The following SIGLEC11 variants were observed in gnomAD, a reference collection of about 807,000 sequenced individuals.
The protein encoded by SIGLEC11 is sialic acid-binding Ig-like lectin 11.
In SIGLEC11, 47 loss-of-function variants were observed where a neutral mutation model predicts 61.2. The observed-to-expected ratio is 0.77, with a 90% CI of 0.61 to 0.98. The LOEUF (loss-of-function observed/expected upper bound fraction) is 0.98, where lower values mean the gene tolerates loss of function less well. SIGLEC11 is among the 50% of genes least tolerant of loss of function. The pLI is 0.00. For missense variants in SIGLEC11, 610 were observed against 870.3 expected (o/e 0.70, Z 3.76); for synonymous variants, 278 against 373.1 (o/e 0.75, Z 2.94).
rs2076238130 is a variant in SIGLEC11 at position 49,960,605 on chromosome 19, C to T, written c.407G>A (p.Gly136Glu). The change falls in exon 2 of 11, where the codon GGA becomes GAA. Residue 136 changes from glycine to glutamate, a missense_variant. Gly to Glu is a moderately conservative substitution (Grantham distance 98). Coordinates refer to ENST00000447370, the MANE Select transcript of SIGLEC11 (RefSeq NM_052884.3). ...CAGGAAACTATGTCTCACACGGCTT[C>T]CTCTCTCCACCCGAAAGAAGTACCA... is the stretch of plus-strand genomic sequence containing the variant. ...EAWYFFRVER[G>E]SRVRHSFLSN... 3 of 1,599,978 alleles carry T rather than the reference C, an allele frequency of 1.9e-6. No individual in the cohort carries two copies. The South Asian group carries it at 3.3e-5, about 18-fold the overall frequency.
rs769464691 is a variant in SIGLEC11 at position 49,950,167 on chromosome 19, G to A, written c.1900C>T (p.Pro634Ser). The stretch of plus-strand genomic sequence containing the variant: ...AGCTCCTGCTCTTCCCCCTTCCCCG[G>A]GGTGTAGGTGGCTGCACCTGGGGGC... ...HPPPGAATYT[P>S]GKGEEQELHY... is the part of the protein sequence containing the mutation. Residue 634 changes from proline (P) to serine (S), a missense_variant, in exon 11 of 11, where the codon CCG becomes TCG. Coordinates refer to ENST00000447370, the MANE Select transcript of SIGLEC11 (RefSeq NM_052884.3). The A allele has an allele frequency of 6.8e-6, 11 of 1,610,646 alleles. 1 individual carries two copies. In the South Asian group the frequency reaches 9.9e-5, roughly 14 times the overall value.
Position 49,958,570 on chromosome 19 carries a change from T to A in SIGLEC11, c.1364A>T (p.Tyr455Phe), listed in dbSNP as rs1475638351. The change falls in exon 8 of 11, where the codon TAC (tyrosine) becomes TTC (phenylalanine). Residue 455 changes from tyrosine (Y) to phenylalanine (F), a missense_variant and splice_region_variant. Transcript: ENST00000447370. ...QHVSLSLSVH[Y>F]PPQLLGPSCS... is the part of the protein sequence containing the mutation. ...GGAGGGGCCCAGCAGCTGTGGAGGGTCTGTGGGGAGGGAGGACAGGACTCA... is the reference window on the plus strand; with the variant it reads ...GGAGGGGCCCAGCAGCTGTGGAGGGACTGTGGGGAGGGAGGACAGGACTCA... 38 of 1,569,788 alleles carry A rather than the reference T, an allele frequency of 2.4e-5. No individual in the cohort carries two copies. The highest frequency in any genetic ancestry group is 3.3e-5 in the Non-Finnish European group (38 of 1,159,528).
Position 49,960,850 on chromosome 19 carries a change from G to T in SIGLEC11, c.162C>A (p.Cys54Ter). The change falls in exon 2 of 11, where the codon TGC becomes TGA. Residue 54 changes from cysteine to a stop codon, truncating the protein, a stop_gained. Transcript: ENST00000447370. LOFTEE classifies it high-confidence loss of function. The stretch of plus-strand genomic sequence containing the variant: ...AGCCATCCCGGGGGTAGGAGAGGTT[G>T]CAAGACACGATGACACACAGGCCCT... Reference protein sequence around the residue: ...VPEGLCVIVSCNLSYPRDGWD... With the variant: ...VPEGLCVIVS 2.5e-6 allele frequency: 4 copies of T among 1,605,814 alleles called. No individual in the cohort carries two copies. The highest frequency in any genetic ancestry group is 3.4e-6 in the Non-Finnish European group (4 of 1,175,098).
chr19:49,950,051 C>T lies in SIGLEC11; in HGVS notation c.2016G>A (p.Lys672=). The change falls in exon 11 of 11, where the codon AAG becomes AAA. Residue 672 remains lysine, a synonymous_variant. Transcript: ENST00000447370. ...APSTTEYSEI[K]IHTGQPLRGP... is the part of the protein sequence containing the mutation. Reference sequence around the variant, plus strand: ...CCCTCAGGGGCTGTCCTGTGTGGATCTTGATCTCCGAGTACTCGGTGGTGC... The same window carrying T: ...CCCTCAGGGGCTGTCCTGTGTGGATTTTGATCTCCGAGTACTCGGTGGTGC... 2 of 1,604,032 alleles carry T rather than the reference C, an allele frequency of 1.2e-6. No individual in the cohort carries two copies. The highest frequency in any genetic ancestry group is 8.5e-7 in the Non-Finnish European group (1 of 1,173,618).
rs2076193369 is a variant in SIGLEC11, at chr19:49,955,997, T to C, written c.1651+2286A>G. On this transcript the variant is annotated intron_variant, in intron 8 of 10. Transcript: ENST00000447370. This position sits in a 1 kb window ranked among gnomAD's most constrained non-coding sequence, Gnocchi z 4.5. ...GCGCAGTGGCTCACACCTGTAATCCTGTTACCAGAGCCCACTCCTTTAGCA... is the reference window on the plus strand; with the variant it reads ...GCGCAGTGGCTCACACCTGTAATCCCGTTACCAGAGCCCACTCCTTTAGCA... Among the ~76,000 whole-genome samples, 1 of 151,738 alleles carries C rather than the reference T, an allele frequency of 6.6e-6. No homozygotes were observed. The highest frequency in any genetic ancestry group is 2.1e-4 in the South Asian group (1 of 4,808).
intron 8 of SIGLEC11, among the ~76,000 whole-genome samples, chr19:49,953,457 G>T (rs1013299577): frequency 2.6e-5 from 4 of 152,162 alleles, no homozygotes; most frequent in Non-Finnish European, 5.9e-5. Flanking sequence ...TTGCTAAGTC[G>T]ATTAGGAAAA....
In SIGLEC11 at chr19:49,953,862, G is replaced by T. The variant is rs867870650; in HGVS notation, c.1652-1468C>A. Among the ~76,000 whole-genome samples the T allele has an allele frequency of 2.6e-5, 4 of 152,288 alleles. No homozygotes were observed. The South Asian group carries it at 8.3e-4, about 32-fold the overall frequency. Reference sequence around the variant, plus strand: ...CAAAACTTACTCCATTGAAGTGCATGTTACAAAACTTTAAGAAAGGTTTTG... The same window carrying T: ...CAAAACTTACTCCATTGAAGTGCATTTTACAAAACTTTAAGAAAGGTTTTG... On this transcript the variant is annotated intron_variant, in intron 8 of 10. Transcript: ENST00000447370.
At chr19:49,956,537 C>T (rs1022891479) in intron 8 of SIGLEC11, among the ~76,000 whole-genome samples, 1 of 152,066 alleles carries the variant, frequency 6.6e-6, no homozygotes. Flanking sequence ...CGTCTTTCTT[C>T]CTATTCCCAC....
At position 49,958,934 on chromosome 19, in the gene SIGLEC11, T is replaced by G. The variant is rs1226927912; in HGVS notation, c.1106-34A>C. ...GGAAGAGGCAGAATCGACGTGCAGC[T>G]CAGGGCTCAGGGACCCTCCTGTGTG... On this transcript the variant is annotated intron_variant, in intron 6 of 10. Coordinates refer to ENST00000447370, the MANE Select transcript of SIGLEC11 (RefSeq NM_052884.3). The G allele has an allele frequency of 1.5e-5, 24 of 1,609,104 alleles. No individual in the cohort carries two copies. In the East Asian group the frequency reaches 4.9e-4, roughly 33 times the overall value.
At chr19:49,957,812 C>T (rs967197054) in intron 8 of SIGLEC11, among the ~76,000 whole-genome samples, 1 of 152,044 alleles carries the variant, frequency 6.6e-6, no homozygotes, top group Non-Finnish European at 1.5e-5. Flanking sequence ...CCAGCCTGGC[C>T]AACATAGTGA....
At chr19:49,954,198 A>T (rs1161347150) in intron 8 of SIGLEC11, among the ~76,000 whole-genome samples, 1 of 152,172 alleles carries the variant, frequency 6.6e-6, no homozygotes, top group Non-Finnish European at 1.5e-5. Context: ...ACTGACACGA[A>T]GTTAAAAGAA....
In SIGLEC11 at chr19:49,952,387, C is replaced by T. The variant is rs1385569865; in HGVS notation, c.1659G>A (p.Leu553=). ...CCAGGCCAAGTCCTCCCCCATGCTC[C>T]AGCTTCCCTGCATGGGAGCAGGGTT... ...GSVFQLLPGK[L]EHGGGLGLGA... The change falls in exon 9 of 11, where the codon CTG becomes CTA. Residue 553 remains leucine, a synonymous_variant. Coordinates refer to ENST00000447370, the MANE Select transcript of SIGLEC11 (RefSeq NM_052884.3). 1 of 1,605,780 alleles carries T rather than the reference C, an allele frequency of 6.2e-7. No individual in the cohort carries two copies. The highest frequency in any genetic ancestry group is 1.7e-5 in the Admixed American group (1 of 59,972).
intron 8 of SIGLEC11, among the ~76,000 whole-genome samples, chr19:49,952,968 C>A (rs1016959078): frequency 8.5e-5 from 13 of 152,196 alleles, no homozygotes; most frequent in African/African-American, 2.9e-4. Flanking sequence ...GATGCGAGTC[C>A]ACTGAGCCGG....
At chr19:49,956,108 A>G (rs2122896993) in intron 8 of SIGLEC11, among the ~76,000 whole-genome samples, 1 of 152,282 alleles carries the variant, frequency 6.6e-6, no homozygotes, top group African/African-American at 2.4e-5. Context: ...ACTAACACGG[A>G]AGACCAATGG....
Position 49,951,466 on chromosome 19 carries a change from C to T in SIGLEC11, c.1830+425G>A, listed in dbSNP as rs73932017. ...GGGGGTTATCCAACCTCAGAGTGGTCGTGGGGACCCCACAACTGTGGTTGG... is the reference window on the plus strand; with the variant it reads ...GGGGGTTATCCAACCTCAGAGTGGTTGTGGGGACCCCACAACTGTGGTTGG... On this transcript the variant is annotated intron_variant, in intron 10 of 10. Coordinates refer to ENST00000447370, the MANE Select transcript of SIGLEC11 (RefSeq NM_052884.3). The surrounding 1 kb of genome is among the most constrained non-coding windows in gnomAD (Gnocchi z 4.6). Among the ~76,000 whole-genome samples the T allele has an allele frequency of 0.051, 7,766 of 152,216 alleles. 590 individuals are homozygous for T. Among genetic ancestry groups the T allele is most frequent in the African/African-American group, 0.17 (6,947 of 41,486 alleles).
rs1337810681 is a variant in SIGLEC11, at chr19:49,956,949, G to T, written c.1651+1334C>A. Among the ~76,000 whole-genome samples, 3 of 152,114 alleles carry T rather than the reference G, an allele frequency of 2.0e-5. No individual in the cohort carries two copies. In the East Asian group the frequency reaches 5.8e-4, roughly 29 times the overall value. On this transcript the variant is annotated intron_variant, in intron 8 of 10. Transcript: ENST00000447370. ...CCTAAAAATCGCTGACAATGAAAAG[G>T]CAATTATAAAAATAACTGCAAAAAT...
At position 49,951,851 on chromosome 19, in the gene SIGLEC11, G is replaced by T; in HGVS notation, c.1830+40C>A. ...CTACCCATGGCCATCAAGGAAAGGGGAACAGGCAGGGCCCCAGCAGACAGA... is the reference window on the plus strand; with the variant it reads ...CTACCCATGGCCATCAAGGAAAGGGTAACAGGCAGGGCCCCAGCAGACAGA... On this transcript the variant is annotated intron_variant, in intron 10 of 10. Coordinates refer to ENST00000447370, the MANE Select transcript of SIGLEC11 (RefSeq NM_052884.3). This position sits in a 1 kb window ranked among gnomAD's most constrained non-coding sequence, Gnocchi z 4.6. 6.6e-7 allele frequency: 1 copy of T among 1,518,904 alleles called. No individual in the cohort carries two copies. Among genetic ancestry groups the T allele is most frequent in the South Asian group, 1.3e-5 (1 of 78,026 alleles). The allele number at this position is 1,518,904 out of a possible 1,614,324, so 94.1% of individuals were successfully genotyped here.
intron 10 of SIGLEC11, among the ~76,000 whole-genome samples, chr19:49,950,754 A>T (rs1213984881): frequency 6.6e-6 from 1 of 152,198 alleles, no homozygotes; most frequent in Non-Finnish European, 1.5e-5. Flanking sequence ...CATTAAAGCT[A>T]TAGTCAATGA....
Position 49,960,517 on chromosome 19 carries a change from G to A in SIGLEC11, c.460+35C>T, listed in dbSNP as rs1357602992. 3.8e-6 allele frequency: 6 copies of A among 1,591,584 alleles called. 1 individual carries two copies. In the African/African-American group the frequency reaches 9.7e-5, roughly 26 times the overall value. On this transcript the variant is annotated intron_variant, in intron 2 of 10. Coordinates refer to ENST00000447370, the MANE Select transcript of SIGLEC11 (RefSeq NM_052884.3). ...AGCCTGTCCCCAGGGTCCCTCCCCA[G>A]TGTGACAGGCAGGGGTTCCCACCCC...
Sources: allele counts gnomAD v4.1 joint callset (sites outside exome capture counted in the v4.1 genomes callset), GRCh38; gene constraint gnomAD v4.1.1; non-coding constraint Gnocchi (gnomAD v3.1); transcripts MANE v1.5; gene names NCBI Gene and HGNC (gene_info 2026-07-23, HGNC 2026-07-21).